Variants in MACROD2 observed in about 807,000 individuals in gnomAD.
The protein encoded by MACROD2 is ADP-ribose glycohydrolase MACROD2.
MACROD2 carries 36 observed loss-of-function variants against 70.4 expected under a neutral mutation model. The ratio of observed to expected loss-of-function variants is 0.51; its 90% CI spans 0.39 to 0.68. MACROD2 has a LOEUF of 0.68. Among genes scored for constraint, MACROD2 ranks in the 30% least tolerant of loss-of-function variants. MACROD2 has a pLI of 0.00. For missense variants in MACROD2, 496 were observed against 538.4 expected (o/e 0.92, Z 0.78); for synonymous variants, 172 against 178.8 (o/e 0.96, Z 0.30).
At chr20:15,173,785 C>A (rs2076440015) in intron 5 of MACROD2, among the ~76,000 whole-genome samples, 1 of 152,144 alleles carries the variant, frequency 6.6e-6, no homozygotes, top group South Asian at 2.1e-4. Context: ...TTAATTGAAG[C>A]ACTCATAAGG....
At chr20:15,716,304 T>A (rs2050706555) in intron 8 of MACROD2, among the ~76,000 whole-genome samples, 1 of 152,236 alleles carries the variant, frequency 6.6e-6, no homozygotes, top group South Asian at 2.1e-4. Context: ...GGTTTTATTC[T>A]GTAGTAAATG....
intron 2 of MACROD2, among the ~76,000 whole-genome samples, chr20:14,068,745 TAG>T (rs936002039): frequency 1.4e-4 from 22 of 152,144 alleles, no homozygotes; most frequent in Admixed American, 5.9e-4. Context: ...ATGAGAAATA[TAG>T]AGAGTACCAC....
intron 5 of MACROD2, among the ~76,000 whole-genome samples, chr20:14,808,274 G>C (rs1688775093): frequency 6.6e-6 from 1 of 152,030 alleles, no homozygotes; most frequent in Admixed American, 6.6e-5. Context: ...AGTGGGGGTT[G>C]ATATTCAAAA....
In MACROD2 at chr20:15,801,315, G is replaced by A. The variant is rs185188292; in HGVS notation, c.646-61430G>A. Among the ~76,000 whole-genome samples the A allele has an allele frequency of 3.3e-5, 5 of 152,130 alleles. No individual in the cohort carries two copies. The East Asian group carries it at 9.7e-4, about 29-fold the overall frequency. ...TAATGTACAAGTTGTGGTCTGGATAGTTGGGCTGGAGCAGAGGATGCTGGA... is the reference window on the plus strand; with the variant it reads ...TAATGTACAAGTTGTGGTCTGGATAATTGGGCTGGAGCAGAGGATGCTGGA... On this transcript the variant is annotated intron_variant, in intron 8 of 17. Transcript: ENST00000684519.
intron 8 of MACROD2, among the ~76,000 whole-genome samples, chr20:15,610,196 A>G (rs763553049): frequency 2.0e-5 from 3 of 152,196 alleles, no homozygotes; most frequent in Admixed American, 6.5e-5. Flanking sequence ...TTACCCATCT[A>G]CTTCTCCCAC....
rs1555788820 is a variant in MACROD2, at chr20:15,869,238, T to TAGAGAGAGAGAGAGAGAGAGAGAG, written c.727+6419_727+6442dup. Among the ~76,000 whole-genome samples the TAGAGAGAGAGAGAGAGAGAGAGAG allele has an allele frequency of 7.8e-4, 22 of 28,294 alleles. 1 individual carries two copies. The highest frequency in any genetic ancestry group is 1.1e-3 in the Non-Finnish European group (14 of 13,030). The allele number at this position is 28,294 out of a possible 152,430, so 18.6% of individuals were successfully genotyped here. On this transcript the variant is annotated intron_variant, in intron 9 of 17. Coordinates refer to ENST00000684519, the MANE Select transcript of MACROD2 (RefSeq NM_001351661.2). ...ATATATATATATATATATATATATA[T>TAGAGAGAGAGAGAGAGAGAGAGAG]AGAGAGAGAGAGAGAGAGAGAGAGA...
intron 2 of MACROD2, among the ~76,000 whole-genome samples, chr20:14,056,216 G>T (rs904785300): frequency 6.6e-6 from 1 of 151,904 alleles, no homozygotes; most frequent in African/African-American, 2.4e-5. Flanking sequence ...CTTATGTATA[G>T]AATTTTCTTA....
chr20:14,913,746 T>C (rs2074057144), intron 5 of MACROD2, among the ~76,000 whole-genome samples: 1 of 152,146 alleles, frequency 6.6e-6, no homozygotes, highest in African/African-American at 2.4e-5. Context: ...TCAGTGTGCC[T>C]TCCCAGCTGC....
chr20:14,947,302 G>T (rs1204519414), intron 5 of MACROD2, among the ~76,000 whole-genome samples: 1 of 152,204 alleles, frequency 6.6e-6, no homozygotes, highest in African/African-American at 2.4e-5. Context: ...GCAAAGTGAA[G>T]TGATTCAGAA....
In MACROD2 at chr20:14,272,033, G is replaced by A. The variant is rs569987605; in HGVS notation, c.271+186305G>A. Among the ~76,000 whole-genome samples the A allele has an allele frequency of 3.9e-5, 6 of 152,252 alleles. No individual in the cohort carries two copies. The East Asian group carries it at 1.2e-3, about 29-fold the overall frequency. On this transcript the variant is annotated intron_variant, in intron 3 of 17. Transcript: ENST00000684519. ...CTACATCTGATTGGTGTACCTGAAA[G>A]TGATGGGGAGAATGGAACCAAGTTG...
intron 5 of MACROD2, among the ~76,000 whole-genome samples, chr20:15,012,791 G>C (rs1363729260): frequency 6.6e-6 from 1 of 152,116 alleles, no homozygotes; most frequent in Non-Finnish European, 1.5e-5. Context: ...TTCCACCCCA[G>C]GGCTGCCTGG....
chr20:15,949,584 T>C (rs1388038937), intron 12 of MACROD2, among the ~76,000 whole-genome samples: 1 of 152,176 alleles, frequency 6.6e-6, no homozygotes, highest in Non-Finnish European at 1.5e-5. Flanking sequence ...AATCTCTACC[T>C]AGCCCCCATT....
At chr20:14,064,341 C>G (rs8126369) in intron 2 of MACROD2, among the ~76,000 whole-genome samples, 11,443 of 152,208 alleles carry the variant, frequency 0.075, 496 homozygotes, top group Non-Finnish European at 0.091. Context: ...AAATCTACAT[C>G]TCTAGCCTGA....
At chr20:14,970,559 T>C (rs1209125813) in intron 5 of MACROD2, among the ~76,000 whole-genome samples, 1 of 152,232 alleles carries the variant, frequency 6.6e-6, no homozygotes, top group Non-Finnish European at 1.5e-5. Flanking sequence ...TTGGTTTGTA[T>C]TCATATTCAT....
chr20:15,896,554 GA>G lies in MACROD2; in HGVS notation c.775+10749del, dbSNP rs983602030. On this transcript the variant is annotated intron_variant, in intron 10 of 17. Coordinates refer to ENST00000684519, the MANE Select transcript of MACROD2 (RefSeq NM_001351661.2). ...TCACAATCTTTTTTTTTTTTTTCTA[GA>G]AAAAACACAGCTTCTGTAATCTTTT... Among the ~76,000 whole-genome samples, 3 of 138,524 alleles carry G rather than the reference GA, an allele frequency of 2.2e-5. No homozygotes were observed. In the Admixed American group the frequency reaches 2.2e-4, roughly 10 times the overall value. 90.9% of individuals were successfully genotyped at this position (138,524 alleles called of 152,430 possible). A position where few individuals can be genotyped will look rare whatever the true frequency, so the allele number is the denominator to read the frequency against.
intron 5 of MACROD2, among the ~76,000 whole-genome samples, chr20:14,965,766 C>T (rs187327094): frequency 6.6e-6 from 1 of 151,878 alleles, no homozygotes. Context: ...CCGCACCTGG[C>T]CTTAATATAT....
chr20:14,199,585 A>G (rs1017987152), intron 3 of MACROD2, among the ~76,000 whole-genome samples: 1 of 152,142 alleles, frequency 6.6e-6, no homozygotes, highest in Non-Finnish European at 1.5e-5. Context: ...TTCATTGTTA[A>G]CATTTTGTTG....
chr20:14,869,444 G>A (rs915322968), intron 5 of MACROD2, among the ~76,000 whole-genome samples: 7 of 152,114 alleles, frequency 4.6e-5, no homozygotes, highest in Non-Finnish European at 8.8e-5. Context: ...ACCCTGGAAA[G>A]TGTAGGAAAC....
intron 4 of MACROD2, among the ~76,000 whole-genome samples, chr20:14,501,712 G>T (rs977114653): frequency 6.6e-6 from 1 of 152,064 alleles, no homozygotes; most frequent in Admixed American, 6.5e-5. Flanking sequence ...CATGCTCAAA[G>T]ATAGGAATTA....
Sources: allele counts gnomAD v4.1 joint callset (sites outside exome capture counted in the v4.1 genomes callset), GRCh38; gene constraint gnomAD v4.1.1; transcripts MANE v1.5; gene names NCBI Gene and HGNC (gene_info 2026-07-23, HGNC 2026-07-21).